The following TOX3 variants were observed in gnomAD, a reference collection of about 807,000 sequenced individuals.
The protein encoded by TOX3 is CAG trinucleotide repeat-containing gene F9 protein.
TOX3 carries 22 observed loss-of-function variants against 64.3 expected under a neutral mutation model. The observed-to-expected ratio is 0.34, with a 90% confidence interval of 0.24 to 0.49. The LOEUF is 0.49. Among genes scored for constraint, TOX3 ranks in the 20% least tolerant of loss-of-function variants. The pLI, the probability that TOX3 is intolerant of heterozygous loss-of-function variation, is 0.99. For missense variants in TOX3, 661 were observed against 714.4 expected (o/e 0.93, Z 0.85); for synonymous variants, 291 against 273.6 (o/e 1.06, Z -0.63).
At chr16:52,519,705 C>A (rs564489394) in intron 1 of TOX3, 2 of 847,302 alleles carry the variant, frequency 2.4e-6, no homozygotes, top group South Asian at 3.2e-5. Context: ...CACCTGTAAT[C>A]CCAGCACTTT....
At chr16:52,459,492 A>C (rs1213175112) in intron 3 of TOX3, among the ~76,000 whole-genome samples, 1 of 152,152 alleles carries the variant, frequency 6.6e-6, no homozygotes, top group African/African-American at 2.4e-5. Flanking sequence ...TTACATTGTT[A>C]ATTTATAATA....
At chr16:52,518,060 C>T (rs1482953466) in intron 1 of TOX3, among the ~76,000 whole-genome samples, 6 of 152,024 alleles carry the variant, frequency 3.9e-5, no homozygotes, top group Admixed American at 2.6e-4. Flanking sequence ...TGAAACATCC[C>T]GCATAAGATC....
intron 6 of TOX3, among the ~76,000 whole-genome samples, chr16:52,443,029 T>A (rs1312870167): frequency 6.6e-6 from 1 of 152,176 alleles, no homozygotes; most frequent in Non-Finnish European, 1.5e-5. Flanking sequence ...TTGGTTTAAA[T>A]CCATATACGG....
intron 1 of TOX3, among the ~76,000 whole-genome samples, chr16:52,494,012 A>G (rs1407233507): frequency 1.3e-5 from 2 of 152,146 alleles, no homozygotes; most frequent in Non-Finnish European, 2.9e-5. Context: ...TGATAATCCA[A>G]AACTCCCCTA....
At chr16:52,502,787 A>G (rs1962037861) in intron 1 of TOX3, among the ~76,000 whole-genome samples, 1 of 152,200 alleles carries the variant, frequency 6.6e-6, no homozygotes, top group Non-Finnish European at 1.5e-5. Flanking sequence ...ACCAAATAAT[A>G]TTGCTTCTTG....
chr16:52,496,711 C>T (rs1961858528), intron 1 of TOX3, among the ~76,000 whole-genome samples: 1 of 151,944 alleles, frequency 6.6e-6, no homozygotes. Flanking sequence ...TTCTTTTGGA[C>T]AAAAAAGTGA....
chr16:52,498,725 C>T (rs1961918949), intron 1 of TOX3, among the ~76,000 whole-genome samples: 4 of 152,224 alleles, frequency 2.6e-5, no homozygotes, highest in Admixed American at 2.0e-4. Context: ...TTCAGTGTAA[C>T]TCATGATTAA....
intron 1 of TOX3, among the ~76,000 whole-genome samples, chr16:52,491,766 A>G (rs1466033590): frequency 6.6e-6 from 1 of 152,144 alleles, no homozygotes; most frequent in African/African-American, 2.4e-5. Flanking sequence ...TGACCCCCTG[A>G]GGTCATTCAC....
chr16:52,513,778 A>C (rs1047062290), intron 1 of TOX3, among the ~76,000 whole-genome samples: 3 of 152,238 alleles, frequency 2.0e-5, no homozygotes, highest in African/African-American at 7.2e-5. Context: ...CATTAAAAAT[A>C]AAAATACCTA....
intron 1 of TOX3, among the ~76,000 whole-genome samples, chr16:52,513,260 A>G (rs1258742573): frequency 1.3e-5 from 2 of 152,214 alleles, no homozygotes; most frequent in African/African-American, 4.8e-5. Flanking sequence ...CATCTTCCAA[A>G]CAACAGGTAA....
intron 1 of TOX3, among the ~76,000 whole-genome samples, chr16:52,483,298 A>G (rs893011634): frequency 1.3e-5 from 2 of 152,218 alleles, no homozygotes; most frequent in African/African-American, 4.8e-5. Flanking sequence ...TCTAGACACA[A>G]GGGATCAGAA....
At chr16:52,504,370 G>C (rs1313832473) in intron 1 of TOX3, among the ~76,000 whole-genome samples, 2 of 151,466 alleles carry the variant, frequency 1.3e-5, no homozygotes, top group Non-Finnish European at 2.9e-5. Flanking sequence ...AGGAGGCTGA[G>C]GCAGGAGAAT....
At chr16:52,510,483 C>T (rs976213541) in intron 1 of TOX3, among the ~76,000 whole-genome samples, 9 of 152,114 alleles carry the variant, frequency 5.9e-5, no homozygotes, top group African/African-American at 1.2e-4. Flanking sequence ...TGGCCAACTG[C>T]GGTGGCTCAC....
intron 1 of TOX3, among the ~76,000 whole-genome samples, chr16:52,517,688 A>T (rs981660091): frequency 6.6e-6 from 1 of 152,176 alleles, no homozygotes; most frequent in African/African-American, 2.4e-5. Context: ...CCAGAAGACC[A>T]ATCCATTGGA....
In TOX3 at chr16:52,440,922, A is replaced by C. The variant is rs953964856; in HGVS notation, c.988-954T>G. Among the ~76,000 whole-genome samples the C allele has an allele frequency of 8.6e-5, 13 of 151,098 alleles. No homozygotes were observed. The South Asian group carries it at 2.3e-3, about 27-fold the overall frequency. On this transcript the variant is annotated intron_variant, in intron 6 of 6. Transcript: ENST00000219746. ...ACTACAGGTGCCCACCACCACACCC[A>C]GCTAATTTTTTTGTATTTTTTAGTA...
chr16:52,476,751 C>A (rs1239742956), intron 1 of TOX3, among the ~76,000 whole-genome samples: 1 of 152,078 alleles, frequency 6.6e-6, no homozygotes, highest in Non-Finnish European at 1.5e-5. Context: ...TTAAATGCTA[C>A]TTAATAGGAT....
intron 1 of TOX3, among the ~76,000 whole-genome samples, chr16:52,484,161 C>T (rs1026371090): frequency 6.6e-6 from 1 of 152,126 alleles, no homozygotes; most frequent in Admixed American, 6.6e-5. Flanking sequence ...ACCTTATGGA[C>T]TCCAATACTT....
At position 52,546,946 on chromosome 16, in the gene TOX3, G is replaced by C; in HGVS notation, c.-223C>G. ...CCGCGGGAGAGCGGGAGGCGGCCGG[G>C]GGGACGCGCCCCGCCGGGGCACCGA... On this transcript the variant is annotated 5_prime_UTR_variant, in exon 1 of 7. Coordinates refer to ENST00000219746, the MANE Select transcript of TOX3 (RefSeq NM_001080430.4). The C allele has an allele frequency of 1.0e-6, 1 of 995,288 alleles. No individual in the cohort carries two copies. The highest frequency in any genetic ancestry group is 1.2e-6 in the Non-Finnish European group (1 of 838,174). 61.7% of individuals were successfully genotyped at this position (995,288 alleles called of 1,614,324 possible).
chr16:52,529,016 T>A (rs1010811808), intron 1 of TOX3, among the ~76,000 whole-genome samples: 3 of 152,172 alleles, frequency 2.0e-5, no homozygotes, highest in Non-Finnish European at 2.9e-5. Flanking sequence ...GACAACAACT[T>A]GGCCACCAGT....
Sources: gnomAD v4.1 joint callset for allele counts (sites outside exome capture counted in the v4.1 genomes callset) on GRCh38, gnomAD v4.1.1 for gene constraint, MANE v1.5 for transcripts, NCBI Gene and HGNC (gene_info 2026-07-23, HGNC 2026-07-21) for gene names.